Variants in TRDMT1 observed in about 807,000 individuals in gnomAD.
TRDMT1 encodes the protein tRNA aspartic acid methyltransferase 1, also known as tRNA (cytosine(38)-C(5))-methyltransferase.
TRDMT1 carries 49 observed loss-of-function variants against 51.2 expected under a neutral mutation model. The observed-to-expected ratio is 0.96, with a 90% CI of 0.76 to 1.21. TRDMT1 has a LOEUF of 1.21. Ranked by LOEUF, TRDMT1 falls within the 50% of genes most tolerant of loss-of-function variation. TRDMT1 has a pLI of 0.00. For missense variants in TRDMT1, 534 were observed against 462.3 expected (o/e 1.16, Z -1.42); for synonymous variants, 187 against 164.6 (o/e 1.14, Z -1.04).
At position 17,153,627 on chromosome 10, in the gene TRDMT1, T is replaced by C. The variant is rs1239788564; in HGVS notation, c.955A>G (p.Ile319Val). The C allele has an allele frequency of 5.7e-6, 9 of 1,586,178 alleles. No individual in the cohort carries two copies. In the East Asian group the frequency reaches 1.6e-4, roughly 28 times the overall value. The change falls in exon 10 of 11, where the codon ATC becomes GTC. Residue 319 changes from isoleucine to valine, a missense_variant. Transcript: ENST00000377799. ...QTAEDVQVEN[I>V]YKSLTNLSQE... The stretch of plus-strand genomic sequence containing the variant: ...GACAAATTGGTAAGGGATTTGTAGA[T>C]ATTCTCAACCTGTAAGAAAATACCC...
chr10:17,155,108 GGAGGCTGAGGTAGGA>G (rs1839319857), intron 8 of TRDMT1, among the ~76,000 whole-genome samples: 5 of 151,968 alleles, frequency 3.3e-5, no homozygotes, highest in Admixed American at 6.6e-5. Context: ...GCCTACCTCA[GGAGGCTGAGGTAGGA>G]GAATCTCTTG....
At chr10:17,181,473 C>T (rs536925576) in intron 1 of TRDMT1, among the ~76,000 whole-genome samples, 7 of 152,228 alleles carry the variant, frequency 4.6e-5, no homozygotes, top group African/African-American at 1.2e-4. Flanking sequence ...ACAGAATAGG[C>T]GCTCAATAAA....
chr10:17,151,832 T>G (rs919838874), intron 10 of TRDMT1: 120 of 901,758 alleles, frequency 1.3e-4, no homozygotes, highest in Non-Finnish European at 1.6e-4. Flanking sequence ...TTGACTCATT[T>G]AACTATCACA....
At chr10:17,184,768 T>C (rs56015036) in intron 1 of TRDMT1, among the ~76,000 whole-genome samples, 42,689 of 152,102 alleles carry the variant, frequency 0.28, 6,247 homozygotes, top group Middle Eastern at 0.38. Context: ...CCTAACTATA[T>C]CATTCTCTAC....
chr10:17,151,267 T>TA (rs1838694831), intron 10 of TRDMT1: 1 of 972,074 alleles, frequency 1.0e-6, no homozygotes, highest in Non-Finnish European at 1.2e-6. Flanking sequence ...AAAACTTAGA[T>TA]ACATTAAAAA....
At chr10:17,150,648 A>G (rs762825753) in intron 10 of TRDMT1, 51 of 985,020 alleles carry the variant, frequency 5.2e-5, no homozygotes, top group Non-Finnish European at 6.0e-5. Flanking sequence ...AAAAACAATT[A>G]GGAGCATTAA....
chr10:17,157,563 A>G lies in TRDMT1; in HGVS notation c.765T>C (p.Asp255=). ...TCACGTCAGTGTCATCTTCAAGAAA[A>G]TCTTTTAGCATTTTCACAGAGAGAT... ...DSDLSVKMLK[D]FLEDDTDVNQ... is the part of the protein sequence containing the mutation. Residue 255 remains aspartate (D), a synonymous_variant, in exon 8 of 11, where the codon GAT becomes GAC. Coordinates refer to ENST00000377799, the MANE Select transcript of TRDMT1 (RefSeq NM_004412.7). The G allele has an allele frequency of 6.2e-7, 1 of 1,614,066 alleles. No homozygotes were observed. Among genetic ancestry groups the G allele is most frequent in the Non-Finnish European group, 8.5e-7 (1 of 1,179,974 alleles).
chr10:17,153,580 C>T lies in TRDMT1; in HGVS notation c.1002G>A (p.Lys334=), dbSNP rs926552770. 6.2e-7 allele frequency: 1 copy of T among 1,610,990 alleles called. No homozygotes were observed. The change falls in exon 10 of 11, where the codon AAG becomes AAA. Residue 334 remains lysine (K), a synonymous_variant. Transcript: ENST00000377799. ...TNLSQEEQIT[K]LLILKLRYFT... ...AATATCGCAGTTTAAGTATTAACAG[C>T]TTTGTTATCTGTTCTTCTTGTGACA...
intron 10 of TRDMT1, chr10:17,150,479 C>A (rs1838546637): frequency 1.0e-6 from 1 of 985,234 alleles, no homozygotes; most frequent in East Asian, 1.1e-4. Flanking sequence ...GCCCATGGAT[C>A]CCTTATATGC....
At chr10:17,198,042 A>AG (rs1845683445) in intron 1 of TRDMT1, among the ~76,000 whole-genome samples, 1 of 152,052 alleles carries the variant, frequency 6.6e-6, no homozygotes, top group Non-Finnish European at 1.5e-5. Context: ...CTCAAAAAAA[A>AG]AAAGAAAGAA....
At position 17,144,123 on chromosome 10, in the gene TRDMT1, A is replaced by G; in HGVS notation, c.*4917T>C. 1.0e-6 allele frequency: 1 copy of G among 985,400 alleles called. No individual in the cohort carries two copies. The highest frequency in any genetic ancestry group is 1.2e-6 in the Non-Finnish European group (1 of 829,924). The allele number at this position is 985,400 out of a possible 1,614,324, so 61.0% of individuals were successfully genotyped here. A position where few individuals can be genotyped will look rare whatever the true frequency, so the allele number is the denominator to read the frequency against. On this transcript the variant is annotated 3_prime_UTR_variant, in exon 11 of 11. Transcript: ENST00000377799. ...GGGTAGAAAGAGACCTGAGGACGGA[A>G]CCTTCAGATAAGTCAGCTCCAAGCC...
rs1838163166 is a variant in TRDMT1 at position 17,146,925 on chromosome 10, A to G, written c.*2115T>C. The G allele has an allele frequency of 1.0e-6, 1 of 985,306 alleles. No homozygotes were observed. Among genetic ancestry groups the G allele is most frequent in the South Asian group, 4.7e-5 (1 of 21,290 alleles). The allele number at this position is 985,306 out of a possible 1,614,324, so 61.0% of individuals were successfully genotyped here. A position where few individuals can be genotyped will look rare whatever the true frequency, so the allele number is the denominator to read the frequency against. ...TTATGCTTGTTACTGCATATTTTCA[A>G]TTATGAATTAAGGGCAAGAATCACC... On this transcript the variant is annotated 3_prime_UTR_variant, in exon 11 of 11. Transcript: ENST00000377799.
At chr10:17,174,112 C>G (rs977228344) in intron 2 of TRDMT1, among the ~76,000 whole-genome samples, 2 of 152,214 alleles carry the variant, frequency 1.3e-5, no homozygotes, top group African/African-American at 4.8e-5. Flanking sequence ...TGTTTCAATA[C>G]TTGTGCTGAA....
intron 10 of TRDMT1, 132 bp downstream of exon 10, chr10:17,153,375 A>T: frequency 3.9e-6 from 4 of 1,033,146 alleles, no homozygotes; most frequent in Non-Finnish European, 4.2e-6. Context: ...AAGATGCCAT[A>T]AATGGCATGA....
rs552009167 is a variant in TRDMT1 at position 17,155,177 on chromosome 10, G to T, written c.888-443C>A. On this transcript the variant is annotated intron_variant, in intron 8 of 10. Coordinates refer to ENST00000377799, the MANE Select transcript of TRDMT1 (RefSeq NM_004412.7). Reference sequence around the variant, plus strand: ...TGCAGTGAGCCAAGATCACGCCACTGCACTCCAGCCTGGGCAACAGAGTGA... The same window carrying T: ...TGCAGTGAGCCAAGATCACGCCACTTCACTCCAGCCTGGGCAACAGAGTGA... Among the ~76,000 whole-genome samples the T allele has an allele frequency of 4.6e-5, 7 of 152,232 alleles. No individual in the cohort carries two copies. The South Asian group carries it at 1.5e-3, about 32-fold the overall frequency.
intron 2 of TRDMT1, among the ~76,000 whole-genome samples, chr10:17,173,475 TACTAGGAA>T (rs1842280526): frequency 2.0e-5 from 3 of 152,176 alleles, no homozygotes; most frequent in Non-Finnish European, 4.4e-5. Flanking sequence ...ATTTGTGATA[TACTAGGAA>T]GGGAAAACTT....
intron 10 of TRDMT1, chr10:17,151,552 G>A (rs1838742161): frequency 1.3e-5 from 13 of 985,490 alleles, no homozygotes; most frequent in Non-Finnish European, 1.4e-5. Flanking sequence ...GTGCTGCTCA[G>A]TGGTGACATC....
At chr10:17,175,421 C>T (rs1029995966) in intron 1 of TRDMT1, among the ~76,000 whole-genome samples, 1 of 152,132 alleles carries the variant, frequency 6.6e-6, no homozygotes, top group African/African-American at 2.4e-5. Context: ...AATTGGAACT[C>T]CACAATTGTA....
At chr10:17,157,373 T>G in intron 8 of TRDMT1, 68 bp downstream of exon 8, 1 of 1,396,120 alleles carries the variant, frequency 7.2e-7, no homozygotes. Flanking sequence ...TAGAAGAACT[T>G]AAAGAAACAA....
Sources: allele counts gnomAD v4.1 joint callset (sites outside exome capture counted in the v4.1 genomes callset), GRCh38; gene constraint gnomAD v4.1.1; transcripts MANE v1.5; gene names NCBI Gene and HGNC (gene_info 2026-07-23, HGNC 2026-07-21).